The following CCDC171 variants were observed in gnomAD, a reference collection of about 807,000 sequenced individuals.
The protein encoded by CCDC171 is coiled-coil domain-containing protein 171.
In CCDC171, 177 loss-of-function variants were observed where a neutral mutation model predicts 168.2. The ratio of observed to expected loss-of-function variants is 1.05; its 90% CI spans 0.93 to 1.19. CCDC171 has a LOEUF of 1.19. Among genes scored for constraint, CCDC171 ranks in the 50% most tolerant of loss-of-function variants. The probability of loss-of-function intolerance (pLI) is 0.00; values close to 1 mark genes in which losing one functional copy is unlikely to be tolerated. For missense variants in CCDC171, 1,991 were observed against 1,539.0 expected, an observed-to-expected ratio of 1.29 and a Z score of -4.91; for synonymous variants, 687 against 540.8, an observed-to-expected ratio of 1.27 and a Z score of -3.75.
chr9:15,574,952 A>C (rs2040520444), intron 3 of CCDC171, among the ~76,000 whole-genome samples: 1 of 152,276 alleles, frequency 6.6e-6, no homozygotes, highest in Middle Eastern at 3.4e-3. Context: ...TCCAGATGAG[A>C]CTGAATTGCA....
intron 7 of CCDC171, among the ~76,000 whole-genome samples, chr9:15,655,973 G>A (rs1194488621): frequency 6.6e-6 from 1 of 152,128 alleles, no homozygotes; most frequent in Non-Finnish European, 1.5e-5. Flanking sequence ...AAAAATTGGT[G>A]TTAGTAATCT....
At chr9:15,699,602 G>A (rs941366055) in intron 11 of CCDC171, among the ~76,000 whole-genome samples, 1 of 151,946 alleles carries the variant, frequency 6.6e-6, no homozygotes, top group African/African-American at 2.4e-5. Flanking sequence ...GTTAGGTACA[G>A]AGTGTCGACA....
chr9:15,640,156 G>C (rs568203427), intron 7 of CCDC171, among the ~76,000 whole-genome samples: 1 of 152,220 alleles, frequency 6.6e-6, no homozygotes, highest in South Asian at 2.1e-4. Context: ...TTTTTATGCA[G>C]TCACATTTGT....
chr9:15,592,666 C>G (rs1019887214), intron 5 of CCDC171, among the ~76,000 whole-genome samples: 1 of 151,982 alleles, frequency 6.6e-6, no homozygotes, highest in African/African-American at 2.4e-5. Context: ...TCGGTGGTAA[C>G]TGATATTACA....
the CCDC171 span, among the ~76,000 whole-genome samples, chr9:16,069,203 G>GA: frequency 6.6e-6 from 1 of 152,250 alleles, no homozygotes; most frequent in Non-Finnish European, 1.5e-5. Flanking sequence ...CTAATTCTCA[G>GA]AAAAAAACAT....
the CCDC171 span, among the ~76,000 whole-genome samples, chr9:16,094,806 C>T: frequency 0.026 from 3,949 of 152,242 alleles, 156 homozygotes; most frequent in African/African-American, 0.084. Context: ...TATTAGAAAG[C>T]AGTGTGATAG....
At chr9:15,702,427 C>G (rs1321358353) in intron 11 of CCDC171, among the ~76,000 whole-genome samples, 1 of 152,070 alleles carries the variant, frequency 6.6e-6, no homozygotes, top group Admixed American at 6.5e-5. Context: ...TATCTACTCT[C>G]CCTCTGCTCT....
At chr9:15,761,842 T>C (rs1352026094) in intron 18 of CCDC171, among the ~76,000 whole-genome samples, 2 of 151,768 alleles carry the variant, frequency 1.3e-5, no homozygotes, top group African/African-American at 2.4e-5. Context: ...GCCATATTTT[T>C]TCAAACATTT....
intron 6 of CCDC171, among the ~76,000 whole-genome samples, chr9:15,599,017 C>G (rs1376812258): frequency 6.6e-6 from 1 of 152,120 alleles, no homozygotes; most frequent in Non-Finnish European, 1.5e-5. Flanking sequence ...CTTCCTCCAT[C>G]GCTTTATTTT....
chr9:15,665,887 C>T (rs1483587732), intron 8 of CCDC171, among the ~76,000 whole-genome samples: 1 of 152,144 alleles, frequency 6.6e-6, no homozygotes, highest in Non-Finnish European at 1.5e-5. Flanking sequence ...GTTGTATCTA[C>T]ATATCTATTT....
At chr9:16,091,809 A>G in the CCDC171 span, among the ~76,000 whole-genome samples, 1 of 152,234 alleles carries the variant, frequency 6.6e-6, no homozygotes, top group Non-Finnish European at 1.5e-5. Context: ...CGATGCTCTA[A>G]TAGGTTTCAA....
chr9:15,640,589 C>G (rs1165008557), intron 7 of CCDC171, among the ~76,000 whole-genome samples: 1 of 152,062 alleles, frequency 6.6e-6, no homozygotes, highest in African/African-American at 2.4e-5. Flanking sequence ...TGTAAATACA[C>G]TCTGTCATGT....
chr9:15,746,805 A>G (rs1221440671), intron 18 of CCDC171, among the ~76,000 whole-genome samples: 1 of 152,170 alleles, frequency 6.6e-6, no homozygotes, highest in Non-Finnish European at 1.5e-5. Flanking sequence ...GTGTCACCTC[A>G]CCTGGGAAGC....
chr9:15,719,445 A>AGAGAGC (rs1554776019), intron 11 of CCDC171, among the ~76,000 whole-genome samples: 5 of 62,436 alleles, frequency 8.0e-5, no homozygotes, highest in African/African-American at 3.5e-4. Flanking sequence ...AGAGAGAGAG[A>AGAGAGC]GAAAGTTTAT....
At chr9:15,782,684 T>C (rs1370963562) in intron 20 of CCDC171, among the ~76,000 whole-genome samples, 2 of 152,168 alleles carry the variant, frequency 1.3e-5, no homozygotes, top group African/African-American at 4.8e-5. Flanking sequence ...CAAAAATATA[T>C]GTTCACAAGA....
chr9:15,560,432 A>C (rs966665235), intron 1 of CCDC171, among the ~76,000 whole-genome samples: 1 of 150,342 alleles, frequency 6.7e-6, no homozygotes, highest in Admixed American at 6.6e-5. Flanking sequence ...ATTTCTTTTT[A>C]CTCTTTTTTC....
chr9:15,830,709 A>C (rs775264140), intron 21 of CCDC171, among the ~76,000 whole-genome samples: 3 of 152,166 alleles, frequency 2.0e-5, no homozygotes, highest in Admixed American at 6.5e-5. Context: ...AAGTGATTGG[A>C]TATTGAAGGA....
the CCDC171 span, among the ~76,000 whole-genome samples, chr9:16,093,441 A>T: frequency 6.6e-6 from 1 of 152,196 alleles, no homozygotes; most frequent in South Asian, 2.1e-4. Flanking sequence ...TTCATTTAAT[A>T]CACTTCCACT....
chr9:15,594,108 A>G lies in CCDC171; in HGVS notation c.611A>G (p.Glu204Gly), dbSNP rs767965591. 4.5e-6 allele frequency: 7 copies of G among 1,546,986 alleles called. No homozygotes were observed. The South Asian group carries it at 7.9e-5, about 18-fold the overall frequency. ...MESHIRETAL[E>G]EFRLQEEQWE... ...TCTCATATCAGGGAGACAGCATTGG[A>G]GGAGTTTAGATTACAAGAAGAACAA... The change falls in exon 6 of 26, where the codon GAG becomes GGG. Residue 204 changes from glutamate to glycine, a missense_variant. By Grantham distance (98) the Glu-to-Gly change is moderately conservative (BLOSUM62 -2). Transcript: ENST00000380701.
Sources: allele counts gnomAD v4.1 joint callset (sites outside exome capture counted in the v4.1 genomes callset), GRCh38; gene constraint gnomAD v4.1.1; transcripts MANE v1.5; gene names NCBI Gene and HGNC (gene_info 2026-07-23, HGNC 2026-07-21).